Variants in IFI16 observed in about 807,000 individuals in gnomAD.
IFI16 encodes the protein interferon gamma inducible protein 16, also known as gamma-interferon-inducible protein 16.
Under a neutral mutation model 68.4 loss-of-function variants are expected in IFI16, and 49 were observed. The observed-to-expected ratio is 0.72, with a 90% confidence interval of 0.57 to 0.91. The LOEUF (loss-of-function observed/expected upper bound fraction) is 0.91. Among genes scored for constraint, IFI16 ranks in the 40% least tolerant of loss-of-function variants. The probability of loss-of-function intolerance (pLI) is 0.00; values close to 1 mark genes in which losing one functional copy is unlikely to be tolerated. For missense variants in IFI16, 878 were observed against 942.9 expected, an observed-to-expected ratio of 0.93 and a Z score of 0.90; for synonymous variants, 307 against 315.0, an observed-to-expected ratio of 0.97 and a Z score of 0.27.
chr1:159,045,714 T>G (rs938128503), intron 8 of IFI16, among the ~76,000 whole-genome samples: 2 of 151,276 alleles, frequency 1.3e-5, no homozygotes, highest in Non-Finnish European at 3.0e-5. Flanking sequence ...GCTTACCTTT[T>G]TGTTTTTCCC....
upstream of IFI16, among the ~76,000 whole-genome samples, chr1:159,002,433 T>G (rs1652096275): frequency 6.6e-6 from 1 of 152,248 alleles, no homozygotes; most frequent in South Asian, 2.1e-4. Flanking sequence ...AATCATTTAT[T>G]TCTTTTCAAC....
chr1:159,008,104 G>A (rs923262185), upstream of IFI16, among the ~76,000 whole-genome samples: 4 of 152,082 alleles, frequency 2.6e-5, no homozygotes, highest in African/African-American at 7.2e-5. Context: ...GGAAAATGAG[G>A]CCAGAAAGGT....
intron 6 of IFI16, among the ~76,000 whole-genome samples, chr1:159,030,640 G>A (rs558589761): frequency 1.3e-5 from 2 of 152,246 alleles, no homozygotes; most frequent in Admixed American, 6.5e-5. Context: ...GATGTGGTTC[G>A]TCTTCAGGTC....
chr1:159,015,825 C>G, intron 2 of IFI16, 47 bp from the exon 3 acceptor site: 2 of 1,385,058 alleles, frequency 1.4e-6, no homozygotes, highest in Non-Finnish European at 1.0e-6. Context: ...GTTTATATGT[C>G]TTCCTTTTTT....
chr1:159,039,862 G>A (rs148033468), intron 7 of IFI16, among the ~76,000 whole-genome samples: 1 of 152,284 alleles, frequency 6.6e-6, no homozygotes, highest in African/African-American at 2.4e-5. Flanking sequence ...CCATTTCTTA[G>A]CCAAATCACT....
At chr1:159,045,008 A>G (rs1654890463) in intron 7 of IFI16, among the ~76,000 whole-genome samples, 1 of 152,030 alleles carries the variant, frequency 6.6e-6, no homozygotes, top group Admixed American at 6.6e-5. Context: ...TAAGAGTTGT[A>G]CCTGACCAAA....
intron 6 of IFI16, among the ~76,000 whole-genome samples, chr1:159,023,657 G>A (rs1367837838): frequency 6.6e-6 from 1 of 152,054 alleles, no homozygotes; most frequent in Non-Finnish European, 1.5e-5. Context: ...AAATGCCAGG[G>A]TGCAGGGGAT....
At chr1:159,021,204 C>A (rs372047577) in intron 6 of IFI16, among the ~76,000 whole-genome samples, 26 of 152,160 alleles carry the variant, frequency 1.7e-4, no homozygotes, top group African/African-American at 6.3e-4. Context: ...GTCCAAGCAG[C>A]GTACACTGTA....
chr1:159,014,439 C>G (rs573778751), intron 1 of IFI16, among the ~76,000 whole-genome samples: 38 of 146,580 alleles, frequency 2.6e-4, no homozygotes, highest in Non-Finnish European at 5.3e-4. Context: ...ACAACTGGAC[C>G]CAACTCAACT....
chr1:159,031,052 G>T (rs1036199981), intron 6 of IFI16, among the ~76,000 whole-genome samples: 1 of 152,092 alleles, frequency 6.6e-6, no homozygotes, highest in Admixed American at 6.5e-5. Flanking sequence ...GCCAATGGAG[G>T]TATATTCCCA....
intron 7 of IFI16, among the ~76,000 whole-genome samples, chr1:159,034,503 C>A (rs1434059352): frequency 6.6e-6 from 1 of 152,184 alleles, no homozygotes; most frequent in Non-Finnish European, 1.5e-5. Flanking sequence ...TTCATCCTTT[C>A]ACTTCGTTCA....
At position 159,051,776 on chromosome 1, in the gene IFI16, C is replaced by T; in HGVS notation, c.1763C>T (p.Ser588Leu). The T allele has an allele frequency of 6.2e-7, 1 of 1,614,060 alleles. No individual in the cohort carries two copies. The highest frequency in any genetic ancestry group is 8.5e-7 in the Non-Finnish European group (1 of 1,179,918). ...KEVMVLNATE[S>L]FVYEPKEQKK... The stretch of plus-strand genomic sequence containing the variant: ...GTGATGGTGCTGAACGCAACAGAAT[C>T]ATTTGTATATGAGCCCAAAGAGCAG... Residue 588 changes from serine to leucine, a missense_variant, in exon 10 of 12, where the codon TCA (serine) becomes TTA (leucine). By Grantham distance (145) the Ser-to-Leu change is moderately radical (BLOSUM62 -2). This residue lies in a region of IFI16 where 311 missense variants were observed against 305.1 expected (regional missense o/e 1.02). Coordinates refer to ENST00000295809, the MANE Select transcript of IFI16 (RefSeq NM_001376587.1).
At chr1:159,017,625 T>C (rs1047744154) in intron 4 of IFI16, among the ~76,000 whole-genome samples, 1 of 143,558 alleles carries the variant, frequency 7.0e-6, no homozygotes, top group African/African-American at 2.5e-5. Flanking sequence ...TTGTTGTTGT[T>C]GAGACAGAGT....
At chr1:159,051,461 A>G (rs1344909952) in intron 9 of IFI16, among the ~76,000 whole-genome samples, 1 of 152,150 alleles carries the variant, frequency 6.6e-6, no homozygotes, top group African/African-American at 2.4e-5. Flanking sequence ...TTCCACTCTC[A>G]TAAAACAATG....
intron 7 of IFI16, among the ~76,000 whole-genome samples, chr1:159,033,111 C>T (rs1297223552): frequency 6.6e-6 from 1 of 152,064 alleles, no homozygotes; most frequent in Non-Finnish European, 1.5e-5. Context: ...TATTTTGACA[C>T]ATGGTGTTTT....
chr1:159,048,285 C>T lies in IFI16; in HGVS notation c.1498-1147C>T, dbSNP rs1281189021. On this transcript the variant is annotated intron_variant, in intron 8 of 11. Transcript: ENST00000295809. ...GACTCTAAAACCCATTCTTTGTGCA[C>T]ATTACCTAATTTATTCTTTATAACA... 3.3e-5 allele frequency among the ~76,000 whole-genome samples: 5 copies of T among 151,412 alleles called. 1 individual carries two copies. The highest frequency in any genetic ancestry group is 7.3e-5 in the African/African-American group (3 of 41,328).
At chr1:159,043,518 C>T (rs1654792362) in intron 7 of IFI16, among the ~76,000 whole-genome samples, 1 of 152,130 alleles carries the variant, frequency 6.6e-6, no homozygotes, top group Non-Finnish European at 1.5e-5. Flanking sequence ...CACAGGAGGC[C>T]TGCAAAAATG....
chr1:159,018,126 T>A, intron 4 of IFI16, 103 bp from the exon 5 acceptor site: 1 of 891,590 alleles, frequency 1.1e-6, no homozygotes, highest in Non-Finnish European at 1.8e-6. Flanking sequence ...TCTAAACATC[T>A]GTGCAAGTTT....
At chr1:159,049,750 G>C (rs1487652507) in intron 9 of IFI16, among the ~76,000 whole-genome samples, 151 bp downstream of exon 9, 2 of 152,084 alleles carry the variant, frequency 1.3e-5, no homozygotes, top group Admixed American at 6.5e-5. Flanking sequence ...TGTATTTTGA[G>C]GTCCTATCCA....
Sources: allele counts gnomAD v4.1 joint callset (sites outside exome capture counted in the v4.1 genomes callset), GRCh38; gene constraint gnomAD v4.1.1; regional missense constraint gnomAD v4.1.1; transcripts MANE v1.5; gene names NCBI Gene and HGNC (gene_info 2026-07-23, HGNC 2026-07-21).